IL17RE: variants seen among roughly 807,000 people sequenced by gnomAD.
IL17RE encodes interleukin 17 receptor E.
Under a neutral mutation model 70.7 loss-of-function variants are expected in IL17RE, and 47 were observed. That is an observed-to-expected ratio of 0.67 (90% CI 0.53 to 0.85). The LOEUF is 0.85. IL17RE is among the 40% of genes least tolerant of loss of function. The pLI is 0.00. For missense variants in IL17RE, 850 were observed against 893.9 expected (o/e 0.95, Z 0.63); for synonymous variants, 372 against 381.2 (o/e 0.98, Z 0.28).
chr3:9,911,261 T>C lies in IL17RE; in HGVS notation c.1033T>C (p.Phe345Leu). ...CCATTCCTGTATTTCTCAGTTCTCT[T>C]TTGGAAACAGCAGCCATGTTGAATG... ...LHPQLCFKFS[F>L]GNSSHVECPH... is the part of the protein sequence containing the mutation. Residue 345 changes from phenylalanine (F) to leucine (L), a missense_variant, in exon 11 of 16, where the codon TTT becomes CTT. Transcript: ENST00000383814. The C allele has an allele frequency of 1.2e-6, 2 of 1,614,200 alleles. No individual in the cohort carries two copies. Among genetic ancestry groups the C allele is most frequent in the Non-Finnish European group, 1.7e-6 (2 of 1,180,040 alleles).
intron 2 of IL17RE, 116 bp downstream of exon 2, chr3:9,903,528 G>A (rs1403810642): frequency 2.7e-6 from 3 of 1,099,010 alleles, no homozygotes; most frequent in East Asian, 2.4e-5. Flanking sequence ...ACAATATCAA[G>A]GAAAAATTTG....
rs1018357864 is a variant in IL17RE at position 9,915,611 on chromosome 3, T to A, written c.1808T>A (p.Ile603Asn). The change falls in exon 16 of 16, where the codon ATC becomes AAC. Residue 603 changes from isoleucine to asparagine, a missense_variant. By Grantham distance (149) the Ile-to-Asn change is moderately radical. Transcript: ENST00000383814. The surrounding 1 kb of genome is among the most constrained non-coding windows in gnomAD (Gnocchi z 4.9). ...YFSRLCAKGD[I>N]PPPLRALPRY... The stretch of plus-strand genomic sequence containing the variant: ...AGTCGCCTCTGCGCCAAGGGCGACA[T>A]CCCCCCGCCGCTGCGCGCCCTGCCG... The A allele has an allele frequency of 7.1e-7, 1 of 1,413,824 alleles. No individual in the cohort carries two copies. Among genetic ancestry groups the A allele is most frequent in the Non-Finnish European group, 9.2e-7 (1 of 1,087,234 alleles). 87.6% of individuals were successfully genotyped at this position (1,413,824 alleles called of 1,614,324 possible).
chr3:9,902,665 C>A, upstream of IL17RE: 4 of 1,536,132 alleles, frequency 2.6e-6, no homozygotes, highest in Non-Finnish European at 2.6e-6. Context: ...TTACTTCTCA[C>A]CCACAGCAGG....
chr3:9,909,446 G>T (rs2082840878), intron 8 of IL17RE, 163 bp downstream of exon 8: 3 of 665,444 alleles, frequency 4.5e-6, no homozygotes, highest in Non-Finnish European at 8.1e-6. Context: ...GTCAGTGGGG[G>T]GAAAAGGGCT....
intron 10 of IL17RE, 39 bp from the exon 11 acceptor site, chr3:9,911,216 G>T (rs748301112): frequency 9.9e-6 from 16 of 1,614,054 alleles, no homozygotes; most frequent in Middle Eastern, 1.6e-4. Context: ...AGTGGGTATT[G>T]CCTGGAGCTT....
At chr3:9,906,501 C>A in intron 4 of IL17RE, 40 bp downstream of exon 4, 9 of 1,486,410 alleles carry the variant, frequency 6.1e-6, no homozygotes, top group Non-Finnish European at 7.5e-6. Flanking sequence ...TGACGCCCCA[C>A]AGACCTTTGC....
chr3:9,915,775 C>T lies in IL17RE; in HGVS notation c.1972C>T (p.Arg658Ter). The T allele has an allele frequency of 4.6e-6, 7 of 1,532,798 alleles. No homozygotes were observed. Among genetic ancestry groups the T allele is most frequent in the Non-Finnish European group, 6.1e-6 (7 of 1,151,738 alleles). The allele number at this position is 1,532,798 out of a possible 1,614,324, so 94.9% of individuals were successfully genotyped here. Residue 658 changes from arginine (R) to a stop codon, truncating the protein, a stop_gained, in exon 16 of 16, where the codon CGA (arginine) becomes TGA (stop). Coordinates refer to ENST00000383814, the MANE Select transcript of IL17RE (RefSeq NM_153480.2). LOFTEE classifies it low-confidence loss of function (END_TRUNC). The surrounding 1 kb of genome is among the most constrained non-coding windows in gnomAD (Gnocchi z 4.9). ...SRLELCSRLE[R>*]EAARLADLG is the part of the protein sequence containing the mutation. ...CCTAGAGCTGTGCAGCCGGCTCGAA[C>T]GAGAGGCCGCCCGACTTGCAGACCT...
chr3:9,914,907 C>T (rs974225644), intron 15 of IL17RE, 130 bp downstream of exon 15: 2 of 788,484 alleles, frequency 2.5e-6, no homozygotes, highest in African/African-American at 3.4e-5. Context: ...GAGCCTCAGG[C>T]CCCCAAGTGA....
At position 9,911,613 on chromosome 3, in the gene IL17RE, C is replaced by A. The variant is rs2082895344; in HGVS notation, c.1227+16C>A. 1.2e-6 allele frequency: 2 copies of A among 1,605,806 alleles called. No homozygotes were observed. Among genetic ancestry groups the A allele is most frequent in the Non-Finnish European group, 1.7e-6 (2 of 1,173,340 alleles). On this transcript the variant is annotated intron_variant, in intron 12 of 15. Transcript: ENST00000383814. Reference sequence around the variant, plus strand: ...TGTCAGCCAGGTATGGCCTCGCCCCCACTAGGTCCTATTGCTCAGAGCACA... The same window carrying A: ...TGTCAGCCAGGTATGGCCTCGCCCCAACTAGGTCCTATTGCTCAGAGCACA...
At chr3:9,905,079 T>C (rs2082721195) in intron 3 of IL17RE, among the ~76,000 whole-genome samples, 1 of 107,586 alleles carries the variant, frequency 9.3e-6, no homozygotes, top group Admixed American at 1.3e-4. Flanking sequence ...TGGATGACAG[T>C]GTGAGACCCT....
chr3:9,908,245 G>T lies in IL17RE; in HGVS notation c.673G>T (p.Val225Leu), dbSNP rs2082805566. 6.2e-7 allele frequency: 1 copy of T among 1,613,954 alleles called. No individual in the cohort carries two copies. The highest frequency in any genetic ancestry group is 8.5e-7 in the Non-Finnish European group (1 of 1,179,962). Reference protein sequence around the residue: ...LSSPYDVQKIVSGGHTVELPY... With the variant: ...LSSPYDVQKILSGGHTVELPY... ...TTTGCTGTTTCATCCACAGAAAATT[G>T]TGTCTGGGGGCCACACTGTAGAGCT... Residue 225 changes from valine to leucine, a missense_variant, in exon 7 of 16, where the codon GTG (valine) becomes TTG (leucine). Transcript: ENST00000383814.
At position 9,915,281 on chromosome 3, in the gene IL17RE, T is replaced by C. The variant is rs1387761812; in HGVS notation, c.1478T>C (p.Leu493Pro). The C allele has an allele frequency of 2.1e-6, 3 of 1,408,372 alleles. No individual in the cohort carries two copies. Among genetic ancestry groups the C allele is most frequent in the East Asian group, 2.9e-5 (1 of 34,154 alleles). 87.2% of individuals were successfully genotyped at this position (1,408,372 alleles called of 1,614,324 possible). The change falls in exon 16 of 16, where the codon CTG (leucine) becomes CCG (proline). Residue 493 changes from leucine (L) to proline (P), a missense_variant. By Grantham distance (98) the Leu-to-Pro change is moderately conservative. Transcript: ENST00000383814. The surrounding 1 kb of genome is among the most constrained non-coding windows in gnomAD (Gnocchi z 4.9). Reference sequence around the variant, plus strand: ...GGCCCAGCGCGGCCAGTGCTCCTCCTGCACGCGGCGGACTCGGAGGCGCAG... The same window carrying C: ...GGCCCAGCGCGGCCAGTGCTCCTCCCGCACGCGGCGGACTCGGAGGCGCAG... ...GPGPARPVLL[L>P]HAADSEAQRR...
Position 9,904,930 on chromosome 3 carries a change from C to CA in IL17RE, c.268+786dup, listed in dbSNP as rs1236771341. The stretch of plus-strand genomic sequence containing the variant: ...CCAACATGGCCAAACCCCATCTCTA[C>CA]AAAAAAATACAAAAATTAGCTGGAT... On this transcript the variant is annotated intron_variant, in intron 3 of 15. Coordinates refer to ENST00000383814, the MANE Select transcript of IL17RE (RefSeq NM_153480.2). Among the ~76,000 whole-genome samples the CA allele has an allele frequency of 2.0e-3, 300 of 149,472 alleles. 2 individuals are homozygous for CA. The highest frequency in any genetic ancestry group is 7.2e-3 in the African/African-American group (292 of 40,622).
intron 15 of IL17RE, 77 bp downstream of exon 15, chr3:9,914,854 C>T (rs1294059752): frequency 8.2e-7 from 1 of 1,212,150 alleles, no homozygotes; most frequent in Non-Finnish European, 1.2e-6. Context: ...CCTCCCCTGT[C>T]TGAGCTCTCA....
At position 9,910,690 on chromosome 3, in the gene IL17RE, A is replaced by T. The variant is rs187691250; in HGVS notation, c.803-175A>T. ...ACAGAGTGAGATTCTATCTCAAAAA[A>T]GAAAAGGAAAAGAAAGATAATGAAA... On this transcript the variant is annotated intron_variant, in intron 8 of 15. Transcript: ENST00000383814. Among the ~76,000 whole-genome samples, 361 of 152,344 alleles carry T rather than the reference A, an allele frequency of 2.4e-3. 2 individuals are homozygous for T. Among genetic ancestry groups the T allele is most frequent in the Non-Finnish European group, 3.6e-3 (245 of 68,024 alleles).
In IL17RE at chr3:9,907,097, C is replaced by T. The variant is rs373355157; in HGVS notation, c.663C>T (p.Val221=). 6.2e-7 allele frequency: 1 copy of T among 1,614,110 alleles called. No individual in the cohort carries two copies. The highest frequency in any genetic ancestry group is 8.5e-7 in the Non-Finnish European group (1 of 1,180,018). ...ECEELSSPYD[V]QKIVSGGHTV... is the part of the protein sequence containing the mutation. ...AAGAGCTGAGCAGTCCCTATGATGT[C>T]CAGGTATGGTGTGTCATCCCCCTGT... Residue 221 remains valine (V), a synonymous_variant, in exon 6 of 16, where the codon GTC becomes GTT. Transcript: ENST00000383814.
At chr3:9,903,194 T>C in intron 1 of IL17RE, 130 bp downstream of exon 1, 2 of 995,790 alleles carry the variant, frequency 2.0e-6, no homozygotes, top group Non-Finnish European at 3.0e-6. Context: ...CTCTACCTAG[T>C]CTCAAAGGGG....
chr3:9,904,455 T>C (rs1559266761), intron 3 of IL17RE, among the ~76,000 whole-genome samples: 1 of 152,244 alleles, frequency 6.6e-6, no homozygotes, highest in Non-Finnish European at 1.5e-5. Flanking sequence ...GCTCAGTGCC[T>C]GGTACATACT....
chr3:9,914,843 C>T lies in IL17RE; in HGVS notation c.1447+66C>T, dbSNP rs531599331. On this transcript the variant is annotated intron_variant, in intron 15 of 15. Transcript: ENST00000383814. ...AGCTCGGAGACTAGCTGCCCCCTCA[C>T]CCTCCCCTGTCTGAGCTCTCAGCAC... is the stretch of plus-strand genomic sequence containing the variant. 9 of 1,318,210 alleles carry T rather than the reference C, an allele frequency of 6.8e-6. No homozygotes were observed. In the East Asian group the frequency reaches 2.1e-4, roughly 31 times the overall value. The allele number at this position is 1,318,210 out of a possible 1,614,324, so 81.7% of individuals were successfully genotyped here.
Sources: allele counts gnomAD v4.1 joint callset (sites outside exome capture counted in the v4.1 genomes callset), GRCh38; gene constraint gnomAD v4.1.1; non-coding constraint Gnocchi (gnomAD v3.1); transcripts MANE v1.5; gene names NCBI Gene and HGNC (gene_info 2026-07-23, HGNC 2026-07-21).